KLF8: variants seen among roughly 807,000 people sequenced by gnomAD.
KLF8 encodes Krueppel-like factor 8.
Under a neutral mutation model 18.2 loss-of-function variants are expected in KLF8, and 10 were observed. That is an observed-to-expected ratio of 0.55 (90% CI 0.34 to 0.93). The LOEUF (loss-of-function observed/expected upper bound fraction) is 0.93, where lower values mean the gene tolerates loss of function less well. KLF8 is among the 40% of genes least tolerant of loss of function. The pLI, the probability that KLF8 is intolerant of heterozygous loss-of-function variation, is 0.02. For synonymous variants in KLF8, 109 were observed against 97.3 expected (o/e 1.12, Z -0.71); for missense variants, 264 against 277.9 (o/e 0.95, Z 0.36).
At chrX:55,964,739 A>G in the KLF8 span, among the ~76,000 whole-genome samples, 3 of 112,079 alleles carry the variant, frequency 2.7e-5, no homozygotes, top group African/African-American at 9.7e-5. Context: ...ACAACCCCAC[A>G]GAAATACATA....
chrX:56,155,845 T>A, the KLF8 span, among the ~76,000 whole-genome samples: 1 of 111,469 alleles, frequency 9.0e-6, no homozygotes, highest in Non-Finnish European at 1.9e-5. Flanking sequence ...ATGTCTATTG[T>A]TTCCATATTT....
chrX:56,036,191 G>A, the KLF8 span, among the ~76,000 whole-genome samples: 1 of 111,292 alleles, frequency 9.0e-6, no homozygotes, highest in African/African-American at 3.3e-5. Context: ...AACAGATCAT[G>A]GTAACTAGCA....
At chrX:56,187,715 C>A in the KLF8 span, among the ~76,000 whole-genome samples, 2 of 110,491 alleles carry the variant, frequency 1.8e-5, no homozygotes, top group African/African-American at 6.6e-5. Context: ...AAGGCTGATT[C>A]AATATATGCA....
chrX:56,195,229 G>A, the KLF8 span, among the ~76,000 whole-genome samples: 2 of 112,286 alleles, frequency 1.8e-5, no homozygotes, highest in African/African-American at 6.5e-5. Flanking sequence ...GATGGAGTAT[G>A]ACTTTGACAA....
chrX:55,941,790 A>G, the KLF8 span, among the ~76,000 whole-genome samples: 3 of 112,297 alleles, frequency 2.7e-5, no homozygotes, highest in African/African-American at 9.7e-5. Context: ...TGGCCATCAG[A>G]TGAATGCAAA....
chrX:56,020,403 C>CCATGTGAAA, the KLF8 span, among the ~76,000 whole-genome samples: 1 of 111,824 alleles, frequency 8.9e-6, no homozygotes, highest in East Asian at 2.8e-4. Context: ...TGTGATAAGT[C>CCATGTGAAA]CATGTGAAAC....
chrX:56,189,707 C>A, the KLF8 span, among the ~76,000 whole-genome samples: 5 of 109,408 alleles, frequency 4.6e-5, no homozygotes, highest in Non-Finnish European at 9.5e-5. Flanking sequence ...ATGATGAGTT[C>A]ATGTCCTTTG....
chrX:55,935,994 T>A, the KLF8 span, among the ~76,000 whole-genome samples: 1 of 112,375 alleles, frequency 8.9e-6, no homozygotes, highest in African/African-American at 3.2e-5. Flanking sequence ...TAAGCAAATA[T>A]AGCAGCATGC....
the KLF8 span, among the ~76,000 whole-genome samples, chrX:56,186,823 G>A: frequency 2.7e-5 from 3 of 111,863 alleles, no homozygotes; most frequent in African/African-American, 3.3e-5. Flanking sequence ...GTTCTTTGAA[G>A]CCAATGAGAA....
At chrX:56,025,256 A>C in the KLF8 span, among the ~76,000 whole-genome samples, 1 of 112,332 alleles carries the variant, frequency 8.9e-6, no homozygotes, top group Non-Finnish European at 1.9e-5. Context: ...GGCTCTAGAG[A>C]GCGTTTTCGA....
the KLF8 span, among the ~76,000 whole-genome samples, chrX:56,058,383 A>G: frequency 1.1e-5 from 1 of 91,573 alleles, no homozygotes; most frequent in Admixed American, 1.3e-4. Flanking sequence ...ATACCTGTGC[A>G]GAATGTGCCA....
rs1602481687 is a variant in KLF8, at chrX:56,286,528, A to G, written c.*2034A>G. ...TTGTCTAATTTTATATGTTTTCTTC[A>G]GGAAAACTTTAGAACTCAAAAATCA... On this transcript the variant is annotated 3_prime_UTR_variant, in exon 6 of 6. Coordinates refer to ENST00000468660, the MANE Select transcript of KLF8 (RefSeq NM_007250.5). The G allele has an allele frequency of 8.9e-6, 1 of 112,651 alleles. No homozygotes were observed. The highest frequency in any genetic ancestry group is 2.8e-4 in the East Asian group (1 of 3,590). The allele number at this position is 112,651 out of a possible 1,213,427, so 9.3% of individuals were successfully genotyped here. A position where few individuals can be genotyped will look rare whatever the true frequency, so the allele number is the denominator to read the frequency against.
chrX:55,925,218 C>A, the KLF8 span, among the ~76,000 whole-genome samples: 1 of 89,146 alleles, frequency 1.1e-5, no homozygotes, highest in Non-Finnish European at 2.1e-5. Flanking sequence ...TCCAAGTGTT[C>A]TACCGTAAAT....
chrX:55,997,916 G>A, the KLF8 span, among the ~76,000 whole-genome samples: 4 of 110,505 alleles, frequency 3.6e-5, no homozygotes, highest in Non-Finnish European at 5.7e-5. Flanking sequence ...GGAGGATCCC[G>A]CCAGCCTCTG....
chrX:56,144,217 A>G, the KLF8 span, among the ~76,000 whole-genome samples: 1 of 111,456 alleles, frequency 9.0e-6, no homozygotes, highest in Non-Finnish European at 1.9e-5. Flanking sequence ...TAAAACAGGA[A>G]CTCATAGGAG....
the KLF8 span, among the ~76,000 whole-genome samples, chrX:56,114,314 G>A: frequency 8.9e-6 from 1 of 112,588 alleles, no homozygotes; most frequent in Non-Finnish European, 1.9e-5. Context: ...CTGCCCCTGG[G>A]CGCAATGTTA....
chrX:56,265,200 C>T lies in KLF8; in HGVS notation c.102C>T (p.Asn34=). Residue 34 remains asparagine, a synonymous_variant, in exon 3 of 6, where the codon AAC becomes AAT. Coordinates refer to ENST00000468660, the MANE Select transcript of KLF8 (RefSeq NM_007250.5). Reference sequence around the variant, plus strand: ...TTAAGGTCACTGCTTCTGTTCGGAACAGAGATCCCCCTGAGATAGAATACA... The same window carrying T: ...TTAAGGTCACTGCTTCTGTTCGGAATAGAGATCCCCCTGAGATAGAATACA... The part of the protein sequence containing the change: ...VFKQVTASVR[N]RDPPEIEYRS... 1 of 1,202,066 alleles carries T rather than the reference C, an allele frequency of 8.3e-7. No homozygotes were observed. Among genetic ancestry groups the T allele is most frequent in the Non-Finnish European group, 1.1e-6 (1 of 889,163 alleles).
chrX:56,079,728 G>A, the KLF8 span, among the ~76,000 whole-genome samples: 1 of 110,779 alleles, frequency 9.0e-6, no homozygotes, highest in African/African-American at 3.3e-5. Context: ...TTGTTGATCT[G>A]TCTAATGTTG....
At chrX:56,097,036 T>C in the KLF8 span, among the ~76,000 whole-genome samples, 5 of 111,266 alleles carry the variant, frequency 4.5e-5, no homozygotes, top group East Asian at 1.1e-3. Flanking sequence ...TTTGTGAACA[T>C]AGATGCAAAA....
Sources: gnomAD v4.1 joint callset for allele counts (sites outside exome capture counted in the v4.1 genomes callset) on GRCh38, gnomAD v4.1.1 for gene constraint, MANE v1.5 for transcripts, NCBI Gene and HGNC (gene_info 2026-07-23, HGNC 2026-07-21) for gene names.